The following EYS variants were observed in gnomAD, a reference collection of about 807,000 sequenced individuals.
The protein encoded by EYS is EGF-like photoreceptor maintenance factor, also known as protein eyes shut homolog.
EYS carries 250 observed loss-of-function variants against 282.1 expected under a neutral mutation model. The observed-to-expected ratio is 0.89, with a 90% CI of 0.80 to 0.98. EYS has a LOEUF of 0.98. Among genes scored for constraint, EYS ranks in the 50% least tolerant of loss-of-function variants. The pLI is 0.00. For missense variants in EYS, 4,016 were observed against 3,709.0 expected, an observed-to-expected ratio of 1.08 and a Z score of -2.15; for synonymous variants, 1,355 against 1,282.9, an observed-to-expected ratio of 1.06 and a Z score of -1.20.
Position 63,999,127 on chromosome 6 carries a change from T to C in EYS, c.6782A>G (p.Asp2261Gly), listed in dbSNP as rs893275648. Residue 2261 changes from aspartate to glycine, a missense_variant, in exon 34 of 43, where the codon GAT becomes GGT. Physicochemically the swap from Asp to Gly is moderately conservative, Grantham distance 94. Coordinates refer to ENST00000503581, the MANE Select transcript of EYS (RefSeq NM_001142800.2). ...TTTCTTCTGTACTGGAGGTTTTCCA[T>C]CTGCAGTCATTTCAATCATACAAAC... is the stretch of plus-strand genomic sequence containing the variant. ...GVVCMIEMTA[D>G]GKPPVQKKDT... 1.9e-6 allele frequency: 3 copies of C among 1,551,830 alleles called. No homozygotes were observed. The highest frequency in any genetic ancestry group is 1.4e-5 in the African/African-American group (1 of 73,164).
chr6:64,909,502 T>C (rs953796610), intron 16 of EYS, among the ~76,000 whole-genome samples: 1 of 152,164 alleles, frequency 6.6e-6, no homozygotes, highest in African/African-American at 2.4e-5. Context: ...CTTACAGATA[T>C]TGTGCCAAAC....
intron 22 of EYS, among the ~76,000 whole-genome samples, chr6:64,684,851 A>G (rs1198104921): frequency 4.6e-5 from 7 of 152,030 alleles, no homozygotes; most frequent in Non-Finnish European, 2.9e-5. Flanking sequence ...TTAACTGAAA[A>G]GAAGACAGAA....
chr6:65,035,499 A>G (rs565744472), intron 13 of EYS, among the ~76,000 whole-genome samples: 76 of 152,238 alleles, frequency 5.0e-4, no homozygotes, highest in Admixed American at 2.2e-3. Flanking sequence ...CAGGATACAA[A>G]ATCAATGTAC....
chr6:65,394,888 C>T (rs1766216284), intron 7 of EYS, among the ~76,000 whole-genome samples: 1 of 152,010 alleles, frequency 6.6e-6, no homozygotes, highest in Non-Finnish European at 1.5e-5. Flanking sequence ...CCTCATGTCC[C>T]GTCCTCTTCC....
At chr6:64,607,696 G>A (rs1295919975) in intron 24 of EYS, among the ~76,000 whole-genome samples, 1 of 152,102 alleles carries the variant, frequency 6.6e-6, no homozygotes, top group Non-Finnish European at 1.5e-5. Flanking sequence ...CTTTATATAA[G>A]TTAATGTATT....
At chr6:65,289,484 T>C (rs1444561278) in intron 12 of EYS, among the ~76,000 whole-genome samples, 1 of 151,146 alleles carries the variant, frequency 6.6e-6, no homozygotes, top group Admixed American at 6.6e-5. Context: ...GGATATGTTA[T>C]ATTTGAGGTG....
chr6:64,434,614 G>T (rs554320413), intron 28 of EYS, among the ~76,000 whole-genome samples: 58 of 152,070 alleles, frequency 3.8e-4, no homozygotes, highest in African/African-American at 1.4e-3. Flanking sequence ...GGGGCCTGTA[G>T]CTTCAAACTT....
At chr6:65,609,254 T>TA (rs1420402297) in intron 2 of EYS, among the ~76,000 whole-genome samples, 1 of 151,054 alleles carries the variant, frequency 6.6e-6, no homozygotes, top group Non-Finnish European at 1.5e-5. Context: ...ATTATTATCT[T>TA]ATAGGACCAC....
rs10640761 is a variant in EYS, at chr6:64,274,481, GTTTTTTTTTTTTT to G, written c.6191+32476_6191+32488del. Among the ~76,000 whole-genome samples the G allele has an allele frequency of 4.3e-5, 4 of 92,228 alleles. No individual in the cohort carries two copies. The South Asian group carries it at 1.7e-3, about 39-fold the overall frequency. 60.5% of individuals were successfully genotyped at this position (92,228 alleles called of 152,430 possible). A position where few individuals can be genotyped will look rare whatever the true frequency, so the allele number is the denominator to read the frequency against. On this transcript the variant is annotated intron_variant, in intron 30 of 42. Coordinates refer to ENST00000503581, the MANE Select transcript of EYS (RefSeq NM_001142800.2). The stretch of plus-strand genomic sequence containing the variant: ...CAGGCGCGAGCCACCACGCCTGGCC[GTTTTTTTTTTTTT>G]TTTTTTTTTACAAATCAGCTACATT...
chr6:64,669,676 T>G (rs1329962467), intron 22 of EYS, among the ~76,000 whole-genome samples: 1 of 152,216 alleles, frequency 6.6e-6, no homozygotes, highest in Non-Finnish European at 1.5e-5. Flanking sequence ...TCAGGATTTA[T>G]AAAAGCTATG....
At chr6:64,449,727 C>A (rs558463447) in intron 26 of EYS, among the ~76,000 whole-genome samples, 1 of 152,154 alleles carries the variant, frequency 6.6e-6, no homozygotes, top group Non-Finnish European at 1.5e-5. Flanking sequence ...AAAGAATTTT[C>A]AACCCAGAAT....
intron 26 of EYS, among the ~76,000 whole-genome samples, chr6:64,557,073 A>T (rs1046368513): frequency 4.6e-5 from 7 of 152,104 alleles, no homozygotes; most frequent in Non-Finnish European, 1.0e-4. Flanking sequence ...TTTTAAGTAC[A>T]TAAAACAATT....
chr6:64,796,924 T>C (rs1774372285), intron 22 of EYS, among the ~76,000 whole-genome samples: 1 of 152,060 alleles, frequency 6.6e-6, no homozygotes, highest in African/African-American at 2.4e-5. Context: ...AATTAAGCAA[T>C]GTAGAATATT....
intron 2 of EYS, among the ~76,000 whole-genome samples, chr6:65,543,314 T>G (rs915129286): frequency 6.6e-6 from 1 of 151,192 alleles, no homozygotes; most frequent in African/African-American, 2.4e-5. Context: ...AGCTGTTTTT[T>G]TACATTATTT....
chr6:65,453,014 G>A (rs1239453588), intron 5 of EYS, among the ~76,000 whole-genome samples: 1 of 151,906 alleles, frequency 6.6e-6, no homozygotes, highest in East Asian at 1.9e-4. Flanking sequence ...ACAAAGCACA[G>A]GGAAGCATTT....
chr6:65,339,123 G>A (rs1770102369), intron 10 of EYS, among the ~76,000 whole-genome samples: 1 of 151,086 alleles, frequency 6.6e-6, no homozygotes, highest in African/African-American at 2.4e-5. Flanking sequence ...TGACTTCAGA[G>A]GTGAAAGTGA....
chr6:65,332,831 G>T (rs1375704934), intron 11 of EYS, among the ~76,000 whole-genome samples: 2 of 151,180 alleles, frequency 1.3e-5, no homozygotes, highest in African/African-American at 4.8e-5. Flanking sequence ...CTTGTTATAG[G>T]TTAGATTTCC....
At position 65,086,214 on chromosome 6, in the gene EYS, G is replaced by A. The variant is rs925771928; in HGVS notation, c.2024-28487C>T. ...GCCTATAATTCCACCTATTTGAGAG[G>A]CTGAGGCAGGAGAATTGCTGGAACC... is the stretch of plus-strand genomic sequence containing the variant. On this transcript the variant is annotated intron_variant, in intron 12 of 42. Transcript: ENST00000503581. Among the ~76,000 whole-genome samples the A allele has an allele frequency of 5.9e-5, 9 of 151,902 alleles. 1 individual carries two copies. Among genetic ancestry groups the A allele is most frequent in the African/African-American group, 2.2e-4 (9 of 41,358 alleles).
intron 14 of EYS, among the ~76,000 whole-genome samples, chr6:64,978,962 T>C (rs1299772737): frequency 1.3e-5 from 2 of 151,896 alleles, no homozygotes; most frequent in Admixed American, 6.6e-5. Context: ...AATCTACTTC[T>C]GGTGAAGATG....
Sources: allele counts gnomAD v4.1 joint callset (sites outside exome capture counted in the v4.1 genomes callset), GRCh38; gene constraint gnomAD v4.1.1; transcripts MANE v1.5; gene names NCBI Gene and HGNC (gene_info 2026-07-23, HGNC 2026-07-21).